The following RTL4 variants were observed in gnomAD, a reference collection of about 807,000 sequenced individuals.
The protein encoded by RTL4 is retrotransposon Gag like 4, also known as retrotransposon Gag-like protein 4.
A neutral mutation model predicts 5.3 loss-of-function variants in RTL4; 4 were observed. The ratio of observed to expected loss-of-function variants is 0.75; its 90% confidence interval spans 0.37 to 1.72. The LOEUF (loss-of-function observed/expected upper bound fraction) is 1.72. Among genes scored for constraint, RTL4 ranks in the 40% most tolerant of loss-of-function variants. The pLI is 0.04. For missense variants in RTL4, 260 were observed against 227.1 expected (o/e 1.14, Z -0.93); for synonymous variants, 98 against 87.3 (o/e 1.12, Z -0.68).
chrX:112,386,867 T>C, the RTL4 span, among the ~76,000 whole-genome samples: 1 of 111,866 alleles, frequency 8.9e-6, no homozygotes, highest in African/African-American at 3.2e-5. Context: ...TGTGGGTAGA[T>C]ACCCAGTAGT....
chrX:112,148,358 C>T, the RTL4 span, among the ~76,000 whole-genome samples: 7 of 107,593 alleles, frequency 6.5e-5, no homozygotes, highest in Non-Finnish European at 9.5e-5. Flanking sequence ...TGGGTTTGAT[C>T]TCAGAGCTCC....
At chrX:112,262,597 G>T in the RTL4 span, among the ~76,000 whole-genome samples, 1 of 112,083 alleles carries the variant, frequency 8.9e-6, no homozygotes, top group Non-Finnish European at 1.9e-5. Flanking sequence ...CTGTTGGTGG[G>T]ACTGTAAACT....
At chrX:112,299,476 A>C in the RTL4 span, among the ~76,000 whole-genome samples, 1 of 112,324 alleles carries the variant, frequency 8.9e-6, no homozygotes, top group Non-Finnish European at 1.9e-5. Context: ...TGTTATGTGC[A>C]TTTTACCACA....
upstream of RTL4, among the ~76,000 whole-genome samples, chrX:112,450,914 A>AT (rs896163117): frequency 6.3e-5 from 7 of 111,482 alleles, no homozygotes; most frequent in African/African-American, 1.3e-4. Context: ...AATGGAAGCA[A>AT]TTTTTTTTCA....
the RTL4 span, among the ~76,000 whole-genome samples, chrX:112,191,814 G>A: frequency 3.6e-5 from 4 of 111,431 alleles, no homozygotes; most frequent in Admixed American, 9.6e-5. Context: ...AAACTTTATC[G>A]AATCTGTAGA....
chrX:112,098,599 C>T, the RTL4 span, among the ~76,000 whole-genome samples: 3 of 111,353 alleles, frequency 2.7e-5, no homozygotes, highest in Non-Finnish European at 3.8e-5. Flanking sequence ...GTTCCTATTT[C>T]TCCACATGCT....
At chrX:112,401,942 A>C in the RTL4 span, among the ~76,000 whole-genome samples, 1 of 111,651 alleles carries the variant, frequency 9.0e-6, no homozygotes, top group East Asian at 2.8e-4. Context: ...TTTCTATCCC[A>C]CTACTCACCT....
the RTL4 span, among the ~76,000 whole-genome samples, chrX:112,292,265 T>C: frequency 8.9e-6 from 1 of 111,927 alleles, no homozygotes; most frequent in Non-Finnish European, 1.9e-5. Context: ...CCAGAATTAT[T>C]TTCTCACTTA....
At chrX:112,333,323 T>C in the RTL4 span, among the ~76,000 whole-genome samples, 6 of 110,957 alleles carry the variant, frequency 5.4e-5, no homozygotes, top group Middle Eastern at 4.2e-3. Flanking sequence ...ATGAAGATTA[T>C]AGTTAATAAT....
chrX:112,180,442 C>A, the RTL4 span, among the ~76,000 whole-genome samples: 1 of 112,156 alleles, frequency 8.9e-6, no homozygotes, highest in Non-Finnish European at 1.9e-5. Flanking sequence ...ACAACCTTTT[C>A]TCTAAACACA....
chrX:112,380,150 A>ATTTTTT, the RTL4 span, among the ~76,000 whole-genome samples: 2 of 100,157 alleles, frequency 2.0e-5, no homozygotes, highest in African/African-American at 7.5e-5. Flanking sequence ...ATGAAGATCA[A>ATTTTTT]TTTTTTTTTT....
At chrX:112,427,343 C>A in the RTL4 span, among the ~76,000 whole-genome samples, 25,934 of 110,266 alleles carry the variant, frequency 0.24, 2,554 homozygotes, top group African/African-American at 0.38. Context: ...AAAAACATCA[C>A]ATGATCATAT....
At chrX:112,284,956 C>T in the RTL4 span, among the ~76,000 whole-genome samples, 5 of 111,828 alleles carry the variant, frequency 4.5e-5, no homozygotes, top group Admixed American at 2.9e-4. Flanking sequence ...TTTCTCAAAA[C>T]GTCCAGCAAA....
chrX:112,291,171 A>G, the RTL4 span, among the ~76,000 whole-genome samples: 1 of 110,398 alleles, frequency 9.1e-6, no homozygotes, highest in Non-Finnish European at 1.9e-5. Flanking sequence ...AGGATGAGGT[A>G]TTGGTGGGTG....
At chrX:112,382,237 C>T in the RTL4 span, 12 of 1,077,546 alleles carry the variant, frequency 1.1e-5, no homozygotes, top group Non-Finnish European at 1.5e-5. Context: ...CCTAAAATAA[C>T]ACTGATTAAA....
At chrX:112,271,282 G>C in the RTL4 span, among the ~76,000 whole-genome samples, 1 of 113,166 alleles carries the variant, frequency 8.8e-6, no homozygotes, top group African/African-American at 3.2e-5. Context: ...GAAAGCCTGA[G>C]CTCAGTTTCG....
chrX:112,190,629 A>G, the RTL4 span, among the ~76,000 whole-genome samples: 3 of 112,125 alleles, frequency 2.7e-5, no homozygotes, highest in East Asian at 8.4e-4. Context: ...CACATGGAAA[A>G]TTCATAAATG....
the RTL4 span, among the ~76,000 whole-genome samples, chrX:112,170,328 A>C: frequency 8.9e-6 from 1 of 112,136 alleles, no homozygotes; most frequent in Non-Finnish European, 1.9e-5. Flanking sequence ...AATAACATTG[A>C]ATCTGTAAAT....
At chrX:112,242,901 G>A in the RTL4 span, among the ~76,000 whole-genome samples, 73 of 111,618 alleles carry the variant, frequency 6.5e-4, no homozygotes, top group South Asian at 0.028. Context: ...TCAACATGAA[G>A]GGCTGTTGAA....
Sources: gnomAD v4.1 joint callset for allele counts (sites outside exome capture counted in the v4.1 genomes callset) on GRCh38, gnomAD v4.1.1 for gene constraint, MANE v1.5 for transcripts, NCBI Gene and HGNC (gene_info 2026-07-23, HGNC 2026-07-21) for gene names.